Variants in FAM53A observed in about 807,000 individuals in gnomAD.
FAM53A encodes protein FAM53A.
FAM53A carries 28 observed loss-of-function variants against 26.6 expected under a neutral mutation model. The observed-to-expected ratio is 1.05, with a 90% CI of 0.78 to 1.45. The LOEUF (loss-of-function observed/expected upper bound fraction) is 1.45, where lower values mean the gene tolerates loss of function less well. FAM53A is among the 40% of genes most tolerant of loss of function. FAM53A has a pLI of 0.00. For synonymous variants in FAM53A, 290 were observed against 253.1 expected (o/e 1.15, Z -1.38); for missense variants, 650 against 575.8 (o/e 1.13, Z -1.32).
chr4:1,676,140 G>A (rs961872731), intron 1 of FAM53A, among the ~76,000 whole-genome samples: 2 of 152,350 alleles, frequency 1.3e-5, no homozygotes, highest in African/African-American at 2.4e-5. Context: ...ACAAAGTGGT[G>A]GCTTAGGACA....
intron 1 of FAM53A, among the ~76,000 whole-genome samples, chr4:1,620,671 AAAAAAAAGAAAAAG>A (rs1405701816): frequency 3.3e-5 from 5 of 149,416 alleles, no homozygotes; most frequent in Admixed American, 1.3e-4. Context: ...CTGTCTCACA[AAAAAAAAGAAAAAG>A]AAAGAAAGAA....
At chr4:1,611,193 C>T in the FAM53A span, among the ~76,000 whole-genome samples, 1 of 152,200 alleles carries the variant, frequency 6.6e-6, no homozygotes, top group African/African-American at 2.4e-5. Context: ...TCATTTGCAG[C>T]GACACTGTGT....
Position 1,640,343 on chromosome 4 carries a change from G to A in FAM53A, c.*950C>T, listed in dbSNP as rs866114606. ...CCCAAGCACCGTGACCCGTCGGGAG[G>A]GGGGGACACACGGGGCCAGTGGGAC... is the stretch of plus-strand genomic sequence containing the variant. On this transcript the variant is annotated 3_prime_UTR_variant, in exon 5 of 5. Transcript: ENST00000308132. 1 of 225,506 alleles carries A rather than the reference G, an allele frequency of 4.4e-6. No homozygotes were observed. The highest frequency in any genetic ancestry group is 2.5e-5 in the African/African-American group (1 of 39,988). The allele number at this position is 225,506 out of a possible 1,614,324, so 14.0% of individuals were successfully genotyped here.
At chr4:1,583,967 C>T in the FAM53A span, among the ~76,000 whole-genome samples, 1 of 152,376 alleles carries the variant, frequency 6.6e-6, no homozygotes, top group Non-Finnish European at 1.5e-5. Flanking sequence ...TGTCTATCAT[C>T]AGCCATTCAG....
chr4:1,576,080 G>C, the FAM53A span, among the ~76,000 whole-genome samples: 2 of 152,164 alleles, frequency 1.3e-5, no homozygotes, highest in Admixed American at 1.3e-4. Flanking sequence ...TGATCGGCCC[G>C]TGCACTGGTG....
chr4:1,637,612 G>T (rs1449892183), downstream of FAM53A, among the ~76,000 whole-genome samples: 1 of 151,334 alleles, frequency 6.6e-6, no homozygotes, highest in African/African-American at 2.4e-5. Flanking sequence ...CCAGGAGAGG[G>T]GGAGGGCTGG....
At chr4:1,628,797 GGGGGGAGGGTGGCAT>G (rs1233437165) in intron 1 of FAM53A, among the ~76,000 whole-genome samples, 2 of 83,784 alleles carry the variant, frequency 2.4e-5, no homozygotes, top group South Asian at 4.9e-4. Flanking sequence ...AGGGTGCCAT[GGGGGGAGGGTGGCAT>G]GGGGGAGGGT....
chr4:1,644,643 C>G lies in FAM53A; in HGVS notation c.883-3036G>C, dbSNP rs1577107024. The G allele has an allele frequency of 2.2e-5, 8 of 360,886 alleles. No individual in the cohort carries two copies. In the East Asian group the frequency reaches 3.7e-4, roughly 17 times the overall value. 22.4% of individuals were successfully genotyped at this position (360,886 alleles called of 1,614,324 possible). ...ACTCTGGTTGGATGGTCACTTCCAT[C>G]TGAGGTTAAACACAAAACAGTTGTC... On this transcript the variant is annotated intron_variant, in intron 4 of 4. Transcript: ENST00000308132.
rs62286250 is a variant in FAM53A, at chr4:1,640,674, T to G, written c.*619A>C. The G allele has an allele frequency of 0.28, 70,697 of 255,138 alleles. 8,870 individuals are homozygous for G. The highest frequency in any genetic ancestry group is 0.31 in the South Asian group (11,133 of 36,270). 15.8% of individuals were successfully genotyped at this position (255,138 alleles called of 1,614,324 possible). A position where few individuals can be genotyped will look rare whatever the true frequency, so the allele number is the denominator to read the frequency against. On this transcript the variant is annotated 3_prime_UTR_variant, in exon 5 of 5. Coordinates refer to ENST00000308132, the MANE Select transcript of FAM53A (RefSeq NM_001174070.3). ...CAGCCATGGCCCCGACCAGCTCACA[T>G]GAAACCTAGTCTGTGCCCCAGGGCA...
intron 1 of FAM53A, among the ~76,000 whole-genome samples, chr4:1,681,695 G>A (rs1715453031): frequency 1.3e-5 from 2 of 151,440 alleles, no homozygotes; most frequent in African/African-American, 2.4e-5. Flanking sequence ...AGAAATGGGG[G>A]TCTCACTATG....
chr4:1,684,187 G>A (rs575873493), intron 1 of FAM53A, 46 bp downstream of exon 1: 4 of 151,610 alleles, frequency 2.6e-5, no homozygotes, highest in Admixed American at 2.6e-4. Context: ...GGGCAGCGTG[G>A]ACAAGAGAGG....
chr4:1,574,698 G>C, the FAM53A span, among the ~76,000 whole-genome samples: 1 of 152,238 alleles, frequency 6.6e-6, no homozygotes, highest in Non-Finnish European at 1.5e-5. Flanking sequence ...TTGCACACAC[G>C]GGCACCCCTG....
intron 1 of FAM53A, chr4:1,618,139 G>A (rs1019130037): frequency 1.2e-4 from 55 of 456,160 alleles, no homozygotes; most frequent in Non-Finnish European, 1.9e-4. Context: ...GCAGGTGAGT[G>A]CTGCCTCTTG....
intron 1 of FAM53A, among the ~76,000 whole-genome samples, chr4:1,619,562 C>G (rs922292505): frequency 6.6e-6 from 1 of 152,206 alleles, no homozygotes; most frequent in African/African-American, 2.4e-5. Flanking sequence ...CAGGTGCTGG[C>G]CTATCTCTGG....
chr4:1,658,624 T>C (rs1560176958), intron 2 of FAM53A, among the ~76,000 whole-genome samples: 2 of 152,182 alleles, frequency 1.3e-5, no homozygotes, highest in Non-Finnish European at 2.9e-5. Context: ...CTGGAGGGTC[T>C]ATAGGGAGGG....
downstream of FAM53A, among the ~76,000 whole-genome samples, chr4:1,639,349 C>G (rs780111095): frequency 8.5e-5 from 13 of 152,206 alleles, no homozygotes; most frequent in Non-Finnish European, 1.8e-4. Context: ...CGGAGCTGAT[C>G]TCCACAAATT....
the FAM53A span, among the ~76,000 whole-genome samples, chr4:1,596,313 G>A: frequency 5.3e-5 from 8 of 152,302 alleles, no homozygotes; most frequent in South Asian, 2.1e-4. Context: ...TTATAGCCAC[G>A]TATTGTTTTC....
At chr4:1,685,703 G>A (rs1715775092), upstream of FAM53A, among the ~76,000 whole-genome samples, 2 of 152,150 alleles carry the variant, frequency 1.3e-5, no homozygotes, top group Non-Finnish European at 1.5e-5. Context: ...AGAAGGGCTG[G>A]AGCAGGCGTC....
chr4:1,650,069 G>A (rs1455852089), intron 4 of FAM53A, among the ~76,000 whole-genome samples: 4 of 144,502 alleles, frequency 2.8e-5, no homozygotes, highest in Admixed American at 6.8e-5. Flanking sequence ...GGTGGCACAG[G>A]CGTGGTGTTT....
Sources: allele counts gnomAD v4.1 joint callset (sites outside exome capture counted in the v4.1 genomes callset), GRCh38; gene constraint gnomAD v4.1.1; transcripts MANE v1.5; gene names NCBI Gene and HGNC (gene_info 2026-07-23, HGNC 2026-07-21).